PRKCE: variants seen among roughly 807,000 people sequenced by gnomAD.
The protein encoded by PRKCE is protein kinase C epsilon type.
Under a neutral mutation model 85.4 loss-of-function variants are expected in PRKCE, and 16 were observed. The ratio of observed to expected loss-of-function variants is 0.19; its 90% CI spans 0.13 to 0.28. The LOEUF (loss-of-function observed/expected upper bound fraction) is 0.28, where lower values mean the gene tolerates loss of function less well. PRKCE is among the 10% of genes least tolerant of loss of function. The pLI is 1.00. For synonymous variants in PRKCE, 388 were observed against 371.5 expected, an observed-to-expected ratio of 1.04 and a Z score of -0.51; for missense variants, 573 against 975.2, an observed-to-expected ratio of 0.59 and a Z score of 5.49.
chr2:45,830,243 C>A (rs11683460), intron 1 of PRKCE, among the ~76,000 whole-genome samples: 117,445 of 151,686 alleles, frequency 0.77, 45,969 homozygotes, highest in African/African-American at 0.88. Context: ...CCCTATGGCA[C>A]ATGGGGCTGC....
chr2:45,998,829 T>A (rs1022017706), intron 6 of PRKCE, among the ~76,000 whole-genome samples: 1 of 152,220 alleles, frequency 6.6e-6, no homozygotes, highest in Non-Finnish European at 1.5e-5. Flanking sequence ...TCTTAGCGTA[T>A]CATTTATACT....
chr2:45,751,344 T>C (rs1683544094), intron 1 of PRKCE, among the ~76,000 whole-genome samples: 1 of 152,248 alleles, frequency 6.6e-6, no homozygotes, highest in Admixed American at 6.5e-5. Flanking sequence ...AATTGTTCAA[T>C]ATGTTATCAC....
chr2:45,897,314 T>C (rs1696223078), intron 2 of PRKCE, among the ~76,000 whole-genome samples: 1 of 152,166 alleles, frequency 6.6e-6, no homozygotes, highest in Non-Finnish European at 1.5e-5. Flanking sequence ...GTAATATCTG[T>C]AGACCTGCGG....
chr2:45,661,506 G>GTTTT (rs1558533835), intron 1 of PRKCE, among the ~76,000 whole-genome samples: 1 of 107,430 alleles, frequency 9.3e-6, no homozygotes, highest in African/African-American at 3.3e-5. Context: ...AGTTTTTTTT[G>GTTTT]TTTTGTTTTG....
intron 11 of PRKCE, among the ~76,000 whole-genome samples, chr2:46,131,201 A>G (rs1394858890): frequency 2.0e-5 from 3 of 152,218 alleles, no homozygotes; most frequent in African/African-American, 7.2e-5. Context: ...AAAAGGAAGC[A>G]GTTGGCTGGG....
intron 12 of PRKCE, among the ~76,000 whole-genome samples, chr2:46,146,077 TC>T (rs1167857150): frequency 1.3e-5 from 2 of 152,196 alleles, no homozygotes; most frequent in African/African-American, 4.8e-5. Context: ...TCAGAGATGT[TC>T]ACTGTGAACC....
Position 46,184,829 on chromosome 2 carries a change from A to G in PRKCE, c.2162A>G (p.Asn721Ser). The change falls in exon 15 of 15, where the codon AAC (asparagine) becomes AGC (serine). Residue 721 changes from asparagine (N) to serine (S), a missense_variant. By Grantham distance (46) the Asn-to-Ser change is conservative (BLOSUM62 1). This residue lies in a region of PRKCE where 45 missense variants were observed against 39.1 expected (regional missense o/e 1.15). Transcript: ENST00000306156. This position sits in a 1 kb window ranked among gnomAD's most constrained non-coding sequence, Gnocchi z 5.0. Reference sequence around the variant, plus strand: ...GACGAAGCAATTGTAAAGCAGATCAACCAGGAGGAATTCAAAGGTTTCTCC... The same window carrying G: ...GACGAAGCAATTGTAAAGCAGATCAGCCAGGAGGAATTCAAAGGTTTCTCC... ...LVDEAIVKQI[N>S]QEEFKGFSYF... 1.3e-6 allele frequency: 2 copies of G among 1,599,798 alleles called. No individual in the cohort carries two copies. The highest frequency in any genetic ancestry group is 1.7e-6 in the Non-Finnish European group (2 of 1,179,956).
At chr2:46,098,357 A>G (rs1670905639) in intron 11 of PRKCE, among the ~76,000 whole-genome samples, 1 of 152,198 alleles carries the variant, frequency 6.6e-6, no homozygotes, top group Non-Finnish European at 1.5e-5. Context: ...GTGAGAATCA[A>G]ATGAGAGTTA....
chr2:46,045,957 T>A (rs1708498335), intron 10 of PRKCE, among the ~76,000 whole-genome samples: 1 of 151,718 alleles, frequency 6.6e-6, no homozygotes, highest in Admixed American at 6.6e-5. Context: ...GGGGCCCTGG[T>A]AGAGGGAACT....
chr2:45,727,390 T>C (rs1228427909), intron 1 of PRKCE, among the ~76,000 whole-genome samples: 1 of 151,890 alleles, frequency 6.6e-6, no homozygotes, highest in Non-Finnish European at 1.5e-5. Context: ...AAAGTGGGAG[T>C]GGGTACCTCT....
intron 11 of PRKCE, among the ~76,000 whole-genome samples, chr2:46,115,915 C>G (rs1180512122): frequency 1.3e-5 from 2 of 152,224 alleles, no homozygotes; most frequent in South Asian, 4.1e-4. Flanking sequence ...ATAAGACATA[C>G]AAATTTCCTT....
At chr2:45,750,389 T>C (rs1043159587) in intron 1 of PRKCE, among the ~76,000 whole-genome samples, 3 of 152,186 alleles carry the variant, frequency 2.0e-5, no homozygotes, top group Non-Finnish European at 4.4e-5. Flanking sequence ...GATGTGGCCT[T>C]GTGTGTGTGT....
chr2:45,839,509 G>C (rs1333522184), intron 1 of PRKCE, among the ~76,000 whole-genome samples: 1 of 152,212 alleles, frequency 6.6e-6, no homozygotes, highest in Non-Finnish European at 1.5e-5. Context: ...GAGGAGCCTG[G>C]TGCAAAGAAG....
intron 2 of PRKCE, among the ~76,000 whole-genome samples, chr2:45,908,234 C>T (rs1027652956): frequency 2.0e-5 from 3 of 152,150 alleles, no homozygotes; most frequent in African/African-American, 7.2e-5. Flanking sequence ...ATCTGCTTCT[C>T]AGGCACAGGT....
intron 2 of PRKCE, among the ~76,000 whole-genome samples, chr2:45,873,461 A>AC (rs960142925): frequency 6.6e-6 from 1 of 151,806 alleles, no homozygotes; most frequent in African/African-American, 2.4e-5. Context: ...ACTGCAAAAA[A>AC]AAAAAAAAAA....
intron 1 of PRKCE, among the ~76,000 whole-genome samples, chr2:45,759,146 C>T (rs1200936126): frequency 6.6e-6 from 1 of 152,222 alleles, no homozygotes; most frequent in Non-Finnish European, 1.5e-5. Flanking sequence ...CCCTGCCCTC[C>T]ATTGAGAACC....
At chr2:46,148,157 C>A (rs1274945868) in intron 12 of PRKCE, among the ~76,000 whole-genome samples, 4 of 152,226 alleles carry the variant, frequency 2.6e-5, no homozygotes, top group Non-Finnish European at 5.9e-5. Context: ...CTCCCAGCCC[C>A]TGCTTCCCAG....
chr2:45,782,027 T>A (rs981100983), intron 1 of PRKCE, among the ~76,000 whole-genome samples: 1 of 152,228 alleles, frequency 6.6e-6, no homozygotes, highest in African/African-American at 2.4e-5. Context: ...TTATGAGTTT[T>A]ATCAAAATTA....
chr2:46,065,766 C>G (rs759776648), intron 10 of PRKCE, among the ~76,000 whole-genome samples: 6 of 152,262 alleles, frequency 3.9e-5, no homozygotes, highest in Non-Finnish European at 4.4e-5. Flanking sequence ...TATTATATTT[C>G]CAAGCCATAA....
Sources: gnomAD v4.1 joint callset for allele counts (sites outside exome capture counted in the v4.1 genomes callset) on GRCh38, gnomAD v4.1.1 for gene constraint, gnomAD v4.1.1 regional missense constraint, Gnocchi (gnomAD v3.1) non-coding constraint, MANE v1.5 for transcripts, NCBI Gene and HGNC (gene_info 2026-07-23, HGNC 2026-07-21) for gene names.